SLC45A4: variants seen among roughly 807,000 people sequenced by gnomAD.
SLC45A4 encodes polyamine-transporter SLC45A4.
SLC45A4 carries 32 observed loss-of-function variants against 63.7 expected under a neutral mutation model. The observed-to-expected ratio is 0.50, with a 90% confidence interval of 0.38 to 0.67. The LOEUF (loss-of-function observed/expected upper bound fraction) is 0.67, where lower values mean the gene tolerates loss of function less well. Ranked by LOEUF, SLC45A4 falls within the 30% of genes least tolerant of loss-of-function variation. The pLI is 0.00. For missense variants in SLC45A4, 1,027 were observed against 1,157.7 expected (o/e 0.89, Z 1.64); for synonymous variants, 535 against 510.0 (o/e 1.05, Z -0.66).
In SLC45A4 at chr8:141,256,033, G is replaced by A. The variant is rs919881244; in HGVS notation, c.-400-1404C>T. On this transcript the variant is annotated intron_variant, in intron 1 of 8. Coordinates refer to ENST00000517878, the MANE Select transcript of SLC45A4 (RefSeq NM_001286646.2). This position sits in a 1 kb window ranked among gnomAD's most constrained non-coding sequence, Gnocchi z 4.3. ...ACGGAACCCTATCACCCCAACCCTC[G>A]GCTTTCCACCACCCTGCCTCCAGTG... Among the ~76,000 whole-genome samples the A allele has an allele frequency of 2.6e-5, 4 of 152,004 alleles. No individual in the cohort carries two copies. Among genetic ancestry groups the A allele is most frequent in the Admixed American group, 6.6e-5 (1 of 15,250 alleles).
At chr8:141,238,781 C>T (rs764920848) in intron 2 of SLC45A4, among the ~76,000 whole-genome samples, 4 of 152,180 alleles carry the variant, frequency 2.6e-5, no homozygotes, top group Middle Eastern at 3.2e-3. Context: ...TGATGCTAGA[C>T]GTGGGGTGCC....
In SLC45A4 at chr8:141,211,560, T is replaced by C; in HGVS notation, c.*12A>G. 1.2e-6 allele frequency: 2 copies of C among 1,613,380 alleles called. No individual in the cohort carries two copies. The highest frequency in any genetic ancestry group is 1.7e-6 in the Non-Finnish European group (2 of 1,179,964). ...GTCCAACTCGCTGAGGAAAAGAAGA[T>C]ACGTCATTCTTCTAAGAGAACCACA... On this transcript the variant is annotated 3_prime_UTR_variant, in exon 9 of 9. Coordinates refer to ENST00000517878, the MANE Select transcript of SLC45A4 (RefSeq NM_001286646.2).
chr8:141,299,404 G>C (rs1391430219), intron 1 of SLC45A4, among the ~76,000 whole-genome samples: 1 of 152,220 alleles, frequency 6.6e-6, no homozygotes, highest in Non-Finnish European at 1.5e-5. Context: ...CTTACCTAGG[G>C]AGACACCTGT....
intron 1 of SLC45A4, among the ~76,000 whole-genome samples, chr8:141,285,382 C>T (rs183082467): frequency 6.6e-6 from 1 of 152,370 alleles, no homozygotes; most frequent in Admixed American, 6.5e-5. Context: ...CGTGTGCTCC[C>T]CAGTTACACG....
At chr8:141,287,063 T>G (rs943221430) in intron 1 of SLC45A4, among the ~76,000 whole-genome samples, 1 of 152,008 alleles carries the variant, frequency 6.6e-6, no homozygotes, top group African/African-American at 2.4e-5. Flanking sequence ...GCCTGACCGC[T>G]CCAGGTCATG....
At chr8:141,289,074 C>T (rs576689253) in intron 1 of SLC45A4, among the ~76,000 whole-genome samples, 226 of 152,230 alleles carry the variant, frequency 1.5e-3, no homozygotes, top group African/African-American at 5.0e-3. Context: ...GGGCCTCAGC[C>T]GGCCATGAAA....
At chr8:141,230,154 C>A in intron 2 of SLC45A4, 1 of 455,772 alleles carries the variant, frequency 2.2e-6, no homozygotes, top group Non-Finnish European at 4.4e-6. Context: ...TGAGTAGACT[C>A]TTGGAAGTAG....
intron 1 of SLC45A4, among the ~76,000 whole-genome samples, chr8:141,263,650 A>G (rs1381420885): frequency 2.0e-5 from 3 of 151,194 alleles, no homozygotes; most frequent in Admixed American, 6.6e-5. Flanking sequence ...TGTGCCTGTA[A>G]TCCCAGCTAC....
intron 2 of SLC45A4, among the ~76,000 whole-genome samples, chr8:141,231,086 A>G (rs979721625): frequency 1.3e-5 from 2 of 152,136 alleles, no homozygotes; most frequent in South Asian, 4.1e-4. Context: ...TGCAAAGAAC[A>G]CTAGTGTGGG....
chr8:141,277,578 T>C (rs1829773348), intron 1 of SLC45A4, among the ~76,000 whole-genome samples: 1 of 152,184 alleles, frequency 6.6e-6, no homozygotes, highest in Non-Finnish European at 1.5e-5. Flanking sequence ...ATTTTACTGT[T>C]AGTTCACTAA....
intron 1 of SLC45A4, among the ~76,000 whole-genome samples, chr8:141,260,995 A>C (rs569117353): frequency 6.6e-6 from 1 of 152,342 alleles, no homozygotes; most frequent in South Asian, 2.1e-4. Context: ...TGGCAAACCG[A>C]ATCCAGCAGC....
chr8:141,290,291 G>A (rs1047611055), intron 1 of SLC45A4, among the ~76,000 whole-genome samples: 10 of 152,018 alleles, frequency 6.6e-5, no homozygotes, highest in Middle Eastern at 3.4e-3. Context: ...AGGACTCCTC[G>A]GCACCGGCAG....
At chr8:141,267,178 C>T (rs1248064780) in intron 1 of SLC45A4, among the ~76,000 whole-genome samples, 1 of 152,268 alleles carries the variant, frequency 6.6e-6, no homozygotes, top group Non-Finnish European at 1.5e-5. Flanking sequence ...ACTTCCACTG[C>T]CTTCCTTGGA....
intron 1 of SLC45A4, among the ~76,000 whole-genome samples, chr8:141,265,043 A>T (rs1338280039): frequency 1.3e-5 from 2 of 152,150 alleles, no homozygotes; most frequent in East Asian, 3.8e-4. Context: ...GAGAATGGAC[A>T]AAAAAAAGAA....
chr8:141,233,811 G>A (rs1011416382), intron 2 of SLC45A4, among the ~76,000 whole-genome samples: 14 of 152,060 alleles, frequency 9.2e-5, no homozygotes, highest in Admixed American at 2.0e-4. Flanking sequence ...GTTTTGCTGT[G>A]CTTTTCCCGT....
intron 1 of SLC45A4, among the ~76,000 whole-genome samples, chr8:141,281,202 G>T (rs557919561): frequency 6.6e-6 from 1 of 152,340 alleles, no homozygotes; most frequent in East Asian, 1.9e-4. Flanking sequence ...AGCTGGGTGT[G>T]GTGGCAGGCG....
chr8:141,275,903 G>A (rs927296306), intron 1 of SLC45A4, among the ~76,000 whole-genome samples: 1 of 151,502 alleles, frequency 6.6e-6, no homozygotes, highest in South Asian at 2.1e-4. Flanking sequence ...GCTCCTATAG[G>A]ACCTAAACTT....
At chr8:141,243,569 T>C (rs907861501) in intron 2 of SLC45A4, among the ~76,000 whole-genome samples, 3 of 152,094 alleles carry the variant, frequency 2.0e-5, no homozygotes, top group African/African-American at 4.8e-5. Flanking sequence ...GGCTTGAGCC[T>C]AGGAGGTCAA....
intron 1 of SLC45A4, among the ~76,000 whole-genome samples, chr8:141,285,090 C>G (rs890952799): frequency 6.6e-6 from 1 of 152,216 alleles, no homozygotes; most frequent in Non-Finnish European, 1.5e-5. Flanking sequence ...GCAGACTTCC[C>G]CCACCTCACA....
Sources: gnomAD v4.1 joint callset for allele counts (sites outside exome capture counted in the v4.1 genomes callset) on GRCh38, gnomAD v4.1.1 for gene constraint, Gnocchi (gnomAD v3.1) non-coding constraint, MANE v1.5 for transcripts, NCBI Gene and HGNC (gene_info 2026-07-23, HGNC 2026-07-21) for gene names.